CNBD1: variants seen among roughly 807,000 people sequenced by gnomAD.
CNBD1 encodes the protein cyclic nucleotide-binding domain-containing protein 1.
In CNBD1, 71 loss-of-function variants were observed where a neutral mutation model predicts 54.4. That is an observed-to-expected ratio of 1.30 (90% CI 1.08 to 1.59). The LOEUF is 1.59. CNBD1 is among the 40% of genes most tolerant of loss of function. The pLI, the probability that CNBD1 is intolerant of heterozygous loss-of-function variation, is 0.00. For synonymous variants in CNBD1, 182 were observed against 170.7 expected (o/e 1.07, Z -0.51); for missense variants, 659 against 518.0 (o/e 1.27, Z -2.64).
intron 6 of CNBD1, among the ~76,000 whole-genome samples, chr8:87,257,906 G>A (rs1381816734): frequency 6.6e-6 from 1 of 151,962 alleles, no homozygotes; most frequent in Non-Finnish European, 1.5e-5. Context: ...TACTTCTATG[G>A]TGTACAATAA....
intron 6 of CNBD1, among the ~76,000 whole-genome samples, chr8:87,260,966 G>C (rs1808128681): frequency 6.6e-6 from 1 of 151,944 alleles, no homozygotes; most frequent in Admixed American, 6.6e-5. Context: ...ACCTAAGCAT[G>C]CAAGAAAAAT....
chr8:87,158,510 ACTTTC>A (rs552374354), intron 4 of CNBD1, among the ~76,000 whole-genome samples: 47 of 152,306 alleles, frequency 3.1e-4, no homozygotes, highest in African/African-American at 1.1e-3. Flanking sequence ...TTAAGGGTTC[ACTTTC>A]CTTTCCTCAT....
intron 4 of CNBD1, among the ~76,000 whole-genome samples, chr8:86,952,250 C>A (rs1021236589): frequency 6.6e-6 from 1 of 152,238 alleles, no homozygotes; most frequent in Middle Eastern, 3.4e-3. Flanking sequence ...GTCAAGACTT[C>A]CTGAGGCTGT....
rs569167615 is a variant in CNBD1, at chr8:87,362,155, T to C, written c.1303+8369T>C. Reference sequence around the variant, plus strand: ...AGCTTTCTCAGTCAAGTTTTTCTGATCTGCAAGGAATGTCCACTGCAATGC... The same window carrying C: ...AGCTTTCTCAGTCAAGTTTTTCTGACCTGCAAGGAATGTCCACTGCAATGC... On this transcript the variant is annotated intron_variant, in intron 10 of 10. Coordinates refer to ENST00000518476, the MANE Select transcript of CNBD1 (RefSeq NM_173538.3). Among the ~76,000 whole-genome samples, 15 of 152,202 alleles carry C rather than the reference T, an allele frequency of 9.9e-5. 1 individual carries two copies. Among genetic ancestry groups the C allele is most frequent in the Non-Finnish European group, 1.9e-4 (13 of 67,996 alleles).
intron 2 of CNBD1, among the ~76,000 whole-genome samples, chr8:87,412,093 A>G (rs577805285): frequency 8.6e-4 from 131 of 152,136 alleles, no homozygotes; most frequent in Admixed American, 1.8e-3. Context: ...ATAATGCTAA[A>G]GTGTTTAGAA....
chr8:86,930,859 T>G (rs1286625904), intron 3 of CNBD1, among the ~76,000 whole-genome samples: 1 of 152,192 alleles, frequency 6.6e-6, no homozygotes, highest in Non-Finnish European at 1.5e-5. Flanking sequence ...ACTTCAGGGC[T>G]TAGGGGATAT....
At chr8:87,394,673 A>C (rs914095041) in intron 2 of CNBD1, among the ~76,000 whole-genome samples, 4 of 151,886 alleles carry the variant, frequency 2.6e-5, no homozygotes, top group Admixed American at 2.6e-4. Context: ...TACCTGTTTT[A>C]TTTTTCTAGT....
intron 8 of CNBD1, among the ~76,000 whole-genome samples, chr8:87,328,825 G>C (rs1809750112): frequency 6.6e-6 from 1 of 151,788 alleles, no homozygotes; most frequent in Non-Finnish European, 1.5e-5. Flanking sequence ...CACTTTCATG[G>C]TAACTGTATT....
intron 8 of CNBD1, among the ~76,000 whole-genome samples, chr8:87,292,358 G>T (rs1002900226): frequency 6.6e-6 from 1 of 152,202 alleles, no homozygotes; most frequent in Non-Finnish European, 1.5e-5. Flanking sequence ...AAGTTTGAAA[G>T]TCTGTTCTCT....
At chr8:86,870,912 A>G (rs1333641259) in intron 1 of CNBD1, among the ~76,000 whole-genome samples, 3 of 152,194 alleles carry the variant, frequency 2.0e-5, no homozygotes, top group South Asian at 2.1e-4. Context: ...TATATAATCA[A>G]TGATAGTCCC....
At chr8:87,287,201 C>T (rs1447895748) in intron 8 of CNBD1, among the ~76,000 whole-genome samples, 1 of 152,112 alleles carries the variant, frequency 6.6e-6, no homozygotes, top group African/African-American at 2.4e-5. Flanking sequence ...AGCAAGGATG[C>T]ACGGATTTCC....
chr8:87,019,075 T>A (rs1392708479), intron 4 of CNBD1, among the ~76,000 whole-genome samples: 1 of 152,130 alleles, frequency 6.6e-6, no homozygotes, highest in East Asian at 1.9e-4. Context: ...AAAATAAATC[T>A]ATCTATATAT....
chr8:87,042,652 T>C (rs1810096605), intron 4 of CNBD1, among the ~76,000 whole-genome samples: 1 of 152,136 alleles, frequency 6.6e-6, no homozygotes, highest in Non-Finnish European at 1.5e-5. Context: ...AAAAATATTT[T>C]ATGGTCAACA....
chr8:87,313,666 A>T (rs1288816442), intron 8 of CNBD1, among the ~76,000 whole-genome samples: 4 of 151,886 alleles, frequency 2.6e-5, no homozygotes, highest in Non-Finnish European at 4.4e-5. Flanking sequence ...GGAAGATCTG[A>T]TACATTACAC....
At chr8:87,180,928 G>A (rs1813298753) in intron 4 of CNBD1, among the ~76,000 whole-genome samples, 1 of 151,970 alleles carries the variant, frequency 6.6e-6, no homozygotes. Flanking sequence ...AGGGTCTTTG[G>A]GGTTCCACAA....
rs145689369 is a variant in CNBD1, at chr8:87,237,749, A to G, written c.771+637A>G. Among the ~76,000 whole-genome samples the G allele has an allele frequency of 3.6e-3, 543 of 152,272 alleles. 19 individuals carry two copies. Among genetic ancestry groups the G allele is most frequent in the Admixed American group, 0.03 (462 of 15,282 alleles). On this transcript the variant is annotated intron_variant, in intron 6 of 10. Coordinates refer to ENST00000518476, the MANE Select transcript of CNBD1 (RefSeq NM_173538.3). ...AAGATGTTCAGAGTAGAAAAGAGTC[A>G]AAGAACCAATTAAAACCAAATAATT...
chr8:87,087,983 A>G (rs532831088), intron 4 of CNBD1, among the ~76,000 whole-genome samples: 3 of 152,300 alleles, frequency 2.0e-5, no homozygotes, highest in African/African-American at 7.2e-5. Flanking sequence ...TTATTTTGAA[A>G]CAGAGAAAAA....
intron 8 of CNBD1, among the ~76,000 whole-genome samples, chr8:87,290,734 G>A (rs1808770132): frequency 6.6e-6 from 1 of 152,052 alleles, no homozygotes; most frequent in Admixed American, 6.6e-5. Context: ...AGCTTTGCAG[G>A]GTGTAGGATT....
intron 2 of CNBD1, among the ~76,000 whole-genome samples, chr8:87,422,174 AG>A (rs1327657866): frequency 7.5e-5 from 11 of 146,412 alleles, no homozygotes. Context: ...TCTGGATATT[AG>A]CCCTTTGTCA....
Sources: allele counts gnomAD v4.1 joint callset (sites outside exome capture counted in the v4.1 genomes callset), GRCh38; gene constraint gnomAD v4.1.1; transcripts MANE v1.5; gene names NCBI Gene and HGNC (gene_info 2026-07-23, HGNC 2026-07-21).